ZFHX3: variants seen among roughly 807,000 people sequenced by gnomAD.
ZFHX3 encodes the protein zinc finger homeobox 3, also known as zinc finger homeobox protein 3.
In ZFHX3, 42 loss-of-function variants were observed where a neutral mutation model predicts 279.1. The observed-to-expected ratio is 0.15, with a 90% CI of 0.12 to 0.19. The LOEUF is 0.19. Among genes scored for constraint, ZFHX3 ranks in the 10% least tolerant of loss-of-function variants. The probability of loss-of-function intolerance (pLI) is 1.00; values close to 1 mark genes in which losing one functional copy is unlikely to be tolerated. For synonymous variants in ZFHX3, 2,293 were observed against 1,957.8 expected (o/e 1.17, Z -4.52); for missense variants, 4,981 against 4,754.0 (o/e 1.05, Z -1.40).
At chr16:73,371,834 T>G (rs768483191) in intron 3 of ZFHX3, among the ~76,000 whole-genome samples, 18 of 152,236 alleles carry the variant, frequency 1.2e-4, no homozygotes, top group Non-Finnish European at 2.2e-4. Context: ...AAGTCTCTCT[T>G]GCTGATCGCA....
intron 1 of ZFHX3, among the ~76,000 whole-genome samples, chr16:73,021,918 G>A (rs745803004): frequency 6.6e-6 from 1 of 151,606 alleles, no homozygotes; most frequent in African/African-American, 2.4e-5. Context: ...AGACAGCCAC[G>A]TGTAGACGGG....
chr16:73,606,163 T>C lies in ZFHX3; in HGVS notation c.-1547+74017A>G, dbSNP rs187334723. On this transcript the variant is annotated intron_variant, in intron 2 of 17. Transcript: ENST00000641206. ...TGCCACTGCACTCCAGCCTGGGGGA[T>C]TGAGCTAGGCTCCATCTAAAAAAAA... Among the ~76,000 whole-genome samples, 410 of 112,852 alleles carry C rather than the reference T, an allele frequency of 3.6e-3. 5 individuals are homozygous for C. The highest frequency in any genetic ancestry group is 0.015 in the African/African-American group (398 of 27,046). The allele number at this position is 112,852 out of a possible 152,430, so 74.0% of individuals were successfully genotyped here.
chr16:73,574,313 G>A (rs966963990), intron 2 of ZFHX3, among the ~76,000 whole-genome samples: 3 of 151,076 alleles, frequency 2.0e-5, no homozygotes, highest in Non-Finnish European at 2.9e-5. Flanking sequence ...CCATTGTAAC[G>A]GACCCGGGTG....
intron 2 of ZFHX3, among the ~76,000 whole-genome samples, chr16:73,607,819 A>G (rs368538321): frequency 1.3e-5 from 2 of 152,136 alleles, no homozygotes; most frequent in African/African-American, 4.8e-5. Flanking sequence ...TAATCTCAAC[A>G]CTTTGGGAGG....
intron 4 of ZFHX3, among the ~76,000 whole-genome samples, chr16:73,267,296 G>C (rs2014004233): frequency 6.6e-6 from 1 of 152,024 alleles, no homozygotes; most frequent in African/African-American, 2.4e-5. Context: ...TTGGGTCTGG[G>C]GCACAGGGTC....
Position 73,363,844 on chromosome 16 carries a change from T to C in ZFHX3, c.-1290-45508A>G, listed in dbSNP as rs531908657. Among the ~76,000 whole-genome samples, 166 of 152,296 alleles carry C rather than the reference T, an allele frequency of 1.1e-3. 1 individual carries two copies. The highest frequency in any genetic ancestry group is 1.9e-3 in the Non-Finnish European group (129 of 68,032). Reference sequence around the variant, plus strand: ...CTGTAGAAATGTACACCATTAATTCTGCCTAACATAGAATTAATTTCATGT... The same window carrying C: ...CTGTAGAAATGTACACCATTAATTCCGCCTAACATAGAATTAATTTCATGT... On this transcript the variant is annotated intron_variant, in intron 3 of 17. Coordinates refer to the ZFHX3 transcript ENST00000641206.
intron 2 of ZFHX3, among the ~76,000 whole-genome samples, chr16:73,510,392 C>T (rs2019408406): frequency 6.6e-6 from 1 of 152,078 alleles, no homozygotes; most frequent in Non-Finnish European, 1.5e-5. Flanking sequence ...AGTGCCCCAA[C>T]CCTAATGCCA....
At chr16:73,321,404 T>A (rs901086633) in intron 3 of ZFHX3, among the ~76,000 whole-genome samples, 1 of 152,138 alleles carries the variant, frequency 6.6e-6, no homozygotes, top group Non-Finnish European at 1.5e-5. Context: ...CTCAGGTTGT[T>A]GGGAGATTTA....
intron 1 of ZFHX3, among the ~76,000 whole-genome samples, chr16:73,876,877 G>C (rs938413417): frequency 6.6e-6 from 1 of 152,090 alleles, no homozygotes; most frequent in Non-Finnish European, 1.5e-5. Context: ...AACCCACCGT[G>C]TGGGTTCACG....
intron 3 of ZFHX3, among the ~76,000 whole-genome samples, chr16:72,938,090 G>A (rs761790545): frequency 7.2e-5 from 11 of 152,256 alleles, no homozygotes; most frequent in South Asian, 2.1e-4. Flanking sequence ...AGCACATGAC[G>A]CAGAGACCAG....
At chr16:73,868,077 CT>C (rs1395339670) in intron 1 of ZFHX3, among the ~76,000 whole-genome samples, 1 of 152,178 alleles carries the variant, frequency 6.6e-6, no homozygotes, top group Admixed American at 6.5e-5. Context: ...CTGGTTGATG[CT>C]TTTTGTTCTT....
At position 73,425,346 on chromosome 16, in the gene ZFHX3, T is replaced by A. The variant is rs76801946; in HGVS notation, c.-1291+30657A>T. Reference sequence around the variant, plus strand: ...CTTACAGAATGATTATAGAAATACATACATAGGTACCTTACACACCTAGCA... The same window carrying A: ...CTTACAGAATGATTATAGAAATACAAACATAGGTACCTTACACACCTAGCA... On this transcript the variant is annotated intron_variant, in intron 3 of 17. Transcript: ENST00000641206. Among the ~76,000 whole-genome samples the A allele has an allele frequency of 3.9e-5, 6 of 152,268 alleles. No individual in the cohort carries two copies. In the South Asian group the frequency reaches 1.2e-3, roughly 32 times the overall value.
At chr16:73,202,887 G>A (rs1475635640) in intron 5 of ZFHX3, among the ~76,000 whole-genome samples, 1 of 147,218 alleles carries the variant, frequency 6.8e-6, no homozygotes, top group East Asian at 2.0e-4. Flanking sequence ...GGTGCCACAA[G>A]GCTTCATCTT....
At chr16:73,254,060 C>T (rs559837872) in intron 5 of ZFHX3, among the ~76,000 whole-genome samples, 66 of 152,212 alleles carry the variant, frequency 4.3e-4, no homozygotes, top group African/African-American at 1.2e-3. Context: ...TTCCAGGCCA[C>T]GCCACTCCCA....
intron 1 of ZFHX3, among the ~76,000 whole-genome samples, chr16:73,683,185 G>A (rs767198637): frequency 5.3e-5 from 8 of 152,070 alleles, no homozygotes; most frequent in African/African-American, 1.7e-4. Context: ...AACCATCAGC[G>A]ATGTATATAA....
chr16:73,459,620 G>A (rs1443725467), intron 2 of ZFHX3, among the ~76,000 whole-genome samples: 1 of 152,114 alleles, frequency 6.6e-6, no homozygotes, highest in East Asian at 1.9e-4. Context: ...TGCCCGCCTT[G>A]GCCCTGCAAA....
intron 7 of ZFHX3, among the ~76,000 whole-genome samples, chr16:73,108,198 G>T (rs1567390662): frequency 2.0e-5 from 3 of 151,934 alleles, no homozygotes; most frequent in Admixed American, 6.6e-5. Context: ...GCTGGGTATG[G>T]TGGTGTGCCC....
chr16:73,582,798 C>T (rs1597011243), intron 2 of ZFHX3, among the ~76,000 whole-genome samples: 1 of 151,796 alleles, frequency 6.6e-6, no homozygotes, highest in East Asian at 1.9e-4. Flanking sequence ...TTTATCTAGA[C>T]TTCCCATCTG....
chr16:72,920,380 CA>C (rs1352853213), intron 3 of ZFHX3, among the ~76,000 whole-genome samples: 3 of 151,996 alleles, frequency 2.0e-5, no homozygotes, highest in Non-Finnish European at 4.4e-5. Flanking sequence ...GGAATATAAT[CA>C]ACTTAAAGAA....
Sources: allele counts gnomAD v4.1 joint callset (sites outside exome capture counted in the v4.1 genomes callset), GRCh38; gene constraint gnomAD v4.1.1; transcripts MANE v1.5; gene names NCBI Gene and HGNC (gene_info 2026-07-23, HGNC 2026-07-21).